The following ZNF609 variants were observed in gnomAD, a reference collection of about 807,000 sequenced individuals.
ZNF609 encodes zinc finger protein 609.
ZNF609 carries 11 observed loss-of-function variants against 109.5 expected under a neutral mutation model. The ratio of observed to expected loss-of-function variants is 0.10; its 90% CI spans 0.06 to 0.17. ZNF609 has a LOEUF of 0.17. ZNF609 is among the 10% of genes least tolerant of loss of function. The pLI is 1.00. For missense variants in ZNF609, 1,559 were observed against 1,772.4 expected, an observed-to-expected ratio of 0.88 and a Z score of 2.16; for synonymous variants, 646 against 662.0, an observed-to-expected ratio of 0.98 and a Z score of 0.37.
rs1481562149 is a variant in ZNF609 at position 64,576,812 on chromosome 15, G to C, written c.748-46015G>C. On this transcript the variant is annotated intron_variant, in intron 2 of 9. Coordinates refer to ENST00000326648, the MANE Select transcript of ZNF609 (RefSeq NM_015042.2). ...CACTCCAGCCTGGGAGACAGAGCGA[G>C]ACTCCATCTCAAAAAAAAAAAAAAA... 5.0e-5 allele frequency among the ~76,000 whole-genome samples: 4 copies of C among 80,266 alleles called. No homozygotes were observed. In the East Asian group the frequency reaches 1.4e-3, roughly 27 times the overall value. The allele number at this position is 80,266 out of a possible 152,430, so 52.7% of individuals were successfully genotyped here. A position where few individuals can be genotyped will look rare whatever the true frequency, so the allele number is the denominator to read the frequency against.
intron 2 of ZNF609, among the ~76,000 whole-genome samples, chr15:64,584,986 A>C (rs1347158719): frequency 2.0e-5 from 3 of 151,754 alleles, no homozygotes; most frequent in African/African-American, 7.3e-5. Context: ...AAAAAGAAAA[A>C]AAAAAAGAGG....
At chr15:64,593,586 G>A (rs1895338990) in intron 2 of ZNF609, among the ~76,000 whole-genome samples, 1 of 152,102 alleles carries the variant, frequency 6.6e-6, no homozygotes, top group Admixed American at 6.6e-5. Context: ...GAGTGCAGTG[G>A]TGCAATCACA....
intron 2 of ZNF609, among the ~76,000 whole-genome samples, chr15:64,525,538 G>A (rs1893957378): frequency 1.3e-5 from 2 of 152,096 alleles, no homozygotes; most frequent in African/African-American, 4.8e-5. Context: ...TTTTGAGATC[G>A]TTTTGGCTAT....
intron 2 of ZNF609, among the ~76,000 whole-genome samples, chr15:64,508,129 T>G (rs1893663200): frequency 6.6e-6 from 1 of 152,218 alleles, no homozygotes; most frequent in African/African-American, 2.4e-5. Context: ...ACCTTTGTGA[T>G]AGCTAAGGTG....
At chr15:64,587,091 T>C (rs1895211105) in intron 2 of ZNF609, among the ~76,000 whole-genome samples, 1 of 152,206 alleles carries the variant, frequency 6.6e-6, no homozygotes, top group African/African-American at 2.4e-5. Context: ...GAGAGGCTAC[T>C]CTACAGAACA....
chr15:64,523,667 G>C (rs891435505), intron 2 of ZNF609, among the ~76,000 whole-genome samples: 9 of 151,984 alleles, frequency 5.9e-5, no homozygotes, highest in African/African-American at 2.2e-4. Context: ...GGAAGCTGAG[G>C]TGGGAGGATC....
chr15:64,579,709 C>A (rs1420592194), intron 2 of ZNF609, among the ~76,000 whole-genome samples: 28 of 146,868 alleles, frequency 1.9e-4, no homozygotes, highest in South Asian at 2.2e-4. Flanking sequence ...AACAAACAAA[C>A]AAAAAAAAAA....
intron 3 of ZNF609, among the ~76,000 whole-genome samples, chr15:64,666,202 T>C (rs1896646247): frequency 6.6e-6 from 1 of 151,892 alleles, no homozygotes; most frequent in Admixed American, 6.6e-5. Flanking sequence ...AAAACCAGCC[T>C]GGCCAACATG....
chr15:64,489,528 CTTTTT>C (rs10577073), intron 1 of ZNF609, among the ~76,000 whole-genome samples: 2 of 113,668 alleles, frequency 1.8e-5, no homozygotes. Flanking sequence ...CCATTATTCA[CTTTTT>C]TTTTTTTTTT....
At chr15:64,592,921 T>A in intron 2 of ZNF609, 1 of 789,750 alleles carries the variant, frequency 1.3e-6, no homozygotes. Context: ...CTCAAAAAAT[T>A]ACATAAATAA....
intron 1 of ZNF609, among the ~76,000 whole-genome samples, chr15:64,496,901 C>A (rs1893489774): frequency 6.6e-6 from 1 of 152,034 alleles, no homozygotes; most frequent in Non-Finnish European, 1.5e-5. Flanking sequence ...GCAGTCTCGA[C>A]CTCCCAGGCT....
chr15:64,488,362 G>T (rs1893360605), intron 1 of ZNF609, among the ~76,000 whole-genome samples: 1 of 152,194 alleles, frequency 6.6e-6, no homozygotes, highest in Middle Eastern at 3.4e-3. Context: ...TCACTCATTT[G>T]TTGACCAAAA....
At chr15:64,602,711 T>C (rs891844439) in intron 2 of ZNF609, among the ~76,000 whole-genome samples, 1 of 133,788 alleles carries the variant, frequency 7.5e-6, no homozygotes, top group Non-Finnish European at 1.5e-5. Context: ...TTTTCTTTTT[T>C]CTTTCTTTTT....
intron 2 of ZNF609, among the ~76,000 whole-genome samples, chr15:64,579,473 G>A (rs1472113831): frequency 6.6e-6 from 1 of 151,644 alleles, no homozygotes; most frequent in Non-Finnish European, 1.5e-5. Context: ...AGGTGCGGGA[G>A]GCCTAGGCAG....
chr15:64,658,697 T>C (rs919033028), intron 3 of ZNF609, among the ~76,000 whole-genome samples: 22 of 151,640 alleles, frequency 1.5e-4, no homozygotes, highest in African/African-American at 5.3e-4. Flanking sequence ...CTTAGAAAAC[T>C]GAGAGAGGAG....
rs1055969502 is a variant in ZNF609, at chr15:64,506,392, G to A, written c.747+6226G>A. 2.0e-5 allele frequency among the ~76,000 whole-genome samples: 3 copies of A among 150,462 alleles called. No individual in the cohort carries two copies. In the East Asian group the frequency reaches 6.1e-4, roughly 30 times the overall value. Reference sequence around the variant, plus strand: ...CCCGCCTTGGCCTCCCAAAGTGCTGGGATTACAGGCATGAGCCGTCACACC... The same window carrying A: ...CCCGCCTTGGCCTCCCAAAGTGCTGAGATTACAGGCATGAGCCGTCACACC... On this transcript the variant is annotated intron_variant, in intron 2 of 9. Transcript: ENST00000326648.
chr15:64,581,268 C>T (rs548872458), intron 2 of ZNF609, among the ~76,000 whole-genome samples: 4 of 152,162 alleles, frequency 2.6e-5, no homozygotes, highest in South Asian at 2.1e-4. Flanking sequence ...CTTTACTGAG[C>T]GTGGCCTCAG....
intron 3 of ZNF609, among the ~76,000 whole-genome samples, chr15:64,648,059 G>A (rs746637333): frequency 4.6e-5 from 7 of 152,196 alleles, no homozygotes; most frequent in Non-Finnish European, 7.3e-5. Context: ...ACCTACAGGT[G>A]TTGATGTCTT....
At chr15:64,479,897 C>T (rs1230763621) in intron 1 of ZNF609, among the ~76,000 whole-genome samples, 2 of 151,520 alleles carry the variant, frequency 1.3e-5, no homozygotes, top group South Asian at 2.1e-4. Flanking sequence ...CCAGCCTGGG[C>T]GACAGACTGA....
Sources: gnomAD v4.1 joint callset for allele counts (sites outside exome capture counted in the v4.1 genomes callset) on GRCh38, gnomAD v4.1.1 for gene constraint, MANE v1.5 for transcripts, NCBI Gene and HGNC (gene_info 2026-07-23, HGNC 2026-07-21) for gene names.